Variants in CACNA1E observed in about 807,000 individuals in gnomAD.
The protein encoded by CACNA1E is calcium voltage-gated channel subunit alpha1 E, also known as voltage-dependent R-type calcium channel subunit alpha-1E.
A neutral mutation model predicts 259.2 loss-of-function variants in CACNA1E; 40 were observed. The observed-to-expected ratio is 0.15, with a 90% CI of 0.12 to 0.20. The LOEUF is 0.20. Ranked by LOEUF, CACNA1E falls within the 10% of genes least tolerant of loss-of-function variation. The pLI is 1.00. For synonymous variants in CACNA1E, 1,104 were observed against 1,138.5 expected, an observed-to-expected ratio of 0.97 and a Z score of 0.61; for missense variants, 1,874 against 3,040.1, an observed-to-expected ratio of 0.62 and a Z score of 9.02.
chr1:181,780,606 T>C (rs1461370740), intron 38 of CACNA1E, among the ~76,000 whole-genome samples: 1 of 152,184 alleles, frequency 6.6e-6, no homozygotes, highest in Non-Finnish European at 1.5e-5. Context: ...CTGCCTCTGC[T>C]GAGACTCTTT....
intron 6 of CACNA1E, among the ~76,000 whole-genome samples, chr1:181,602,586 GGGAGGGTGGT>G (rs1189525482): frequency 1.3e-5 from 2 of 152,144 alleles, no homozygotes; most frequent in African/African-American, 4.8e-5. Context: ...TTCATGGGAT[GGGAGGGTGGT>G]CAATGCACTG....
At chr1:181,670,965 G>C (rs1453830101) in intron 7 of CACNA1E, among the ~76,000 whole-genome samples, 1 of 152,294 alleles carries the variant, frequency 6.6e-6, no homozygotes, top group Admixed American at 6.5e-5. Context: ...TAAAGTAAAA[G>C]GTGGTAAGGG....
intron 3 of CACNA1E, among the ~76,000 whole-genome samples, chr1:181,575,007 A>G (rs1338377806): frequency 7.0e-6 from 1 of 142,580 alleles, no homozygotes; most frequent in African/African-American, 2.6e-5. Context: ...CCTGGATGAC[A>G]GAGCAAGACT....
At chr1:181,794,664 T>C (rs1040422237) in intron 45 of CACNA1E, among the ~76,000 whole-genome samples, 200 bp from the exon 46 acceptor site, 8 of 152,240 alleles carry the variant, frequency 5.3e-5, no homozygotes, top group Non-Finnish European at 1.2e-4. Context: ...TTCCAGTGAC[T>C]ATATTAACAT....
At chr1:181,741,508 C>T (rs1396360825) in intron 25 of CACNA1E, among the ~76,000 whole-genome samples, 1 of 152,138 alleles carries the variant, frequency 6.6e-6, no homozygotes, top group Non-Finnish European at 1.5e-5. Context: ...ACAATGTATA[C>T]AGATAGATGT....
intron 3 of CACNA1E, among the ~76,000 whole-genome samples, chr1:181,530,746 T>C (rs1667720861): frequency 6.6e-6 from 1 of 152,198 alleles, no homozygotes; most frequent in Non-Finnish European, 1.5e-5. Context: ...GCATGAGTCA[T>C]GAGGGGCACC....
chr1:181,588,630 C>T (rs999544637), intron 6 of CACNA1E, among the ~76,000 whole-genome samples: 1 of 152,220 alleles, frequency 6.6e-6, no homozygotes, highest in Non-Finnish European at 1.5e-5. Flanking sequence ...CTGAATTTCA[C>T]ACCACGAACC....
intron 1 of CACNA1E, among the ~76,000 whole-genome samples, chr1:181,382,073 G>A (rs1174071289): frequency 1.3e-5 from 2 of 152,190 alleles, no homozygotes; most frequent in Non-Finnish European, 2.9e-5. Flanking sequence ...CCCCTAGGCT[G>A]GAACAGTAAA....
chr1:181,386,982 C>T (rs550524723), intron 1 of CACNA1E, among the ~76,000 whole-genome samples: 8 of 152,240 alleles, frequency 5.3e-5, no homozygotes, highest in South Asian at 2.1e-4. Flanking sequence ...AACTTTTGTT[C>T]GATTGATTGA....
intron 39 of CACNA1E, among the ~76,000 whole-genome samples, chr1:181,783,203 A>G (rs973890943): frequency 6.6e-6 from 1 of 152,238 alleles, no homozygotes; most frequent in African/African-American, 2.4e-5. Flanking sequence ...TTCAAGTTAG[A>G]TAAGCAAAGC....
chr1:181,746,225 T>A (rs1657069480), intron 25 of CACNA1E, among the ~76,000 whole-genome samples: 1 of 152,148 alleles, frequency 6.6e-6, no homozygotes, highest in Non-Finnish European at 1.5e-5. Context: ...GATGAACATA[T>A]CCTTATCTGC....
At chr1:181,534,233 G>T (rs1262075067) in intron 3 of CACNA1E, among the ~76,000 whole-genome samples, 1 of 152,012 alleles carries the variant, frequency 6.6e-6, no homozygotes, top group Non-Finnish European at 1.5e-5. Context: ...GTCAATAATA[G>T]CTCAATATTT....
At chr1:181,468,658 T>C (rs1443763041) in intron 2 of CACNA1E, among the ~76,000 whole-genome samples, 3 of 152,178 alleles carry the variant, frequency 2.0e-5, no homozygotes, top group Non-Finnish European at 2.9e-5. Context: ...TGACATAAAG[T>C]GCCAGCAGTA....
At chr1:181,540,576 C>T (rs902545569) in intron 3 of CACNA1E, among the ~76,000 whole-genome samples, 6 of 152,150 alleles carry the variant, frequency 3.9e-5, no homozygotes, top group African/African-American at 1.2e-4. Flanking sequence ...AGGAAAGACT[C>T]TCTGGTCTTC....
chr1:181,475,860 G>C (rs1409855696), intron 2 of CACNA1E, among the ~76,000 whole-genome samples: 3 of 152,160 alleles, frequency 2.0e-5, no homozygotes, highest in African/African-American at 7.2e-5. Flanking sequence ...ACCTGGGTCT[G>C]GAAATGAGGC....
intron 3 of CACNA1E, among the ~76,000 whole-genome samples, chr1:181,567,932 T>C (rs1245409074): frequency 6.6e-6 from 1 of 152,172 alleles, no homozygotes; most frequent in Non-Finnish European, 1.5e-5. Context: ...TAATTTTATG[T>C]ATGTGTGTAT....
intron 2 of CACNA1E, among the ~76,000 whole-genome samples, chr1:181,416,672 C>T (rs757315434): frequency 5.3e-5 from 8 of 152,158 alleles, no homozygotes; most frequent in South Asian, 4.1e-4. Context: ...TTCCCTTCCA[C>T]GCTGCCTTGG....
At chr1:181,363,350 C>A (rs761649350) in intron 1 of CACNA1E, among the ~76,000 whole-genome samples, 9 of 152,152 alleles carry the variant, frequency 5.9e-5, no homozygotes, top group Non-Finnish European at 1.2e-4. Context: ...ATAGTCCTAG[C>A]CAGCATGGCT....
rs1346932289 is a variant in CACNA1E, at chr1:181,604,755, A to G, written c.951+23979A>G. Among the ~76,000 whole-genome samples the G allele has an allele frequency of 2.6e-5, 4 of 152,138 alleles. No individual in the cohort carries two copies. The South Asian group carries it at 8.3e-4, about 32-fold the overall frequency. On this transcript the variant is annotated intron_variant, in intron 6 of 47. Transcript: ENST00000367573. ...TCCCATATCTTAGCTGGAGGAGGAG[A>G]TGAGGGAGGAGCGGGGGCCTCTCAG...
Sources: gnomAD v4.1 joint callset for allele counts (sites outside exome capture counted in the v4.1 genomes callset) on GRCh38, gnomAD v4.1.1 for gene constraint, MANE v1.5 for transcripts, NCBI Gene and HGNC (gene_info 2026-07-23, HGNC 2026-07-21) for gene names.